ZFAND3: variants seen among roughly 807,000 people sequenced by gnomAD.
ZFAND3 encodes AN1-type zinc finger protein 3.
ZFAND3 carries 10 observed loss-of-function variants against 29.6 expected under a neutral mutation model. The ratio of observed to expected loss-of-function variants is 0.34; its 90% CI spans 0.21 to 0.57. ZFAND3 has a LOEUF of 0.57. Among genes scored for constraint, ZFAND3 ranks in the 20% least tolerant of loss-of-function variants. The pLI is 0.86. For synonymous variants in ZFAND3, 128 were observed against 112.6 expected, an observed-to-expected ratio of 1.14 and a Z score of -0.87; for missense variants, 230 against 304.5, an observed-to-expected ratio of 0.76 and a Z score of 1.82.
At chr6:37,928,541 G>A (rs259684) in intron 1 of ZFAND3, among the ~76,000 whole-genome samples, 45,479 of 151,960 alleles carry the variant, frequency 0.3, 7,503 homozygotes, top group Non-Finnish European at 0.38. Context: ...ATTTTTTGGA[G>A]ACAGAGTCTT....
chr6:37,992,490 T>C (rs1405616263), intron 2 of ZFAND3, among the ~76,000 whole-genome samples: 1 of 152,212 alleles, frequency 6.6e-6, no homozygotes, highest in Admixed American at 6.5e-5. Flanking sequence ...CTTGCATTTT[T>C]CCACGTATGC....
At chr6:37,843,561 T>G (rs1764119341) in intron 1 of ZFAND3, among the ~76,000 whole-genome samples, 1 of 152,220 alleles carries the variant, frequency 6.6e-6, no homozygotes, top group Non-Finnish European at 1.5e-5. Context: ...TCTGTTTCTC[T>G]GAAGCTGAAA....
chr6:37,943,792 C>G (rs1416186293), intron 2 of ZFAND3, among the ~76,000 whole-genome samples: 1 of 152,168 alleles, frequency 6.6e-6, no homozygotes, highest in Non-Finnish European at 1.5e-5. Context: ...CACTGGTACT[C>G]AGTCCAAATG....
intron 1 of ZFAND3, 50 bp downstream of exon 1, chr6:37,820,066 C>G: frequency 8.4e-7 from 1 of 1,191,772 alleles, no homozygotes; most frequent in Non-Finnish European, 1.0e-6. Context: ...GGGGCGCAGA[C>G]GCCAGGGCAG....
At chr6:38,078,299 T>A (rs1258467265) in intron 3 of ZFAND3, among the ~76,000 whole-genome samples, 1 of 152,208 alleles carries the variant, frequency 6.6e-6, no homozygotes, top group African/African-American at 2.4e-5. Context: ...TATTCACTCT[T>A]CTCTAGTCAC....
intron 2 of ZFAND3, among the ~76,000 whole-genome samples, chr6:37,991,440 C>T (rs1762757249): frequency 6.6e-6 from 1 of 151,940 alleles, no homozygotes; most frequent in Non-Finnish European, 1.5e-5. Flanking sequence ...GCAACTTTTG[C>T]CCCCCAGGTT....
At chr6:37,876,623 T>C (rs1217314172) in intron 1 of ZFAND3, among the ~76,000 whole-genome samples, 1 of 152,222 alleles carries the variant, frequency 6.6e-6, no homozygotes, top group Admixed American at 6.5e-5. Flanking sequence ...ATTTTATCTC[T>C]GGTCAGTCTT....
chr6:37,819,747 A>C lies in ZFAND3; in HGVS notation c.-199A>C. On this transcript the variant is annotated 5_prime_UTR_variant, in exon 1 of 6. Coordinates refer to ENST00000287218, the MANE Select transcript of ZFAND3 (RefSeq NM_021943.3). The stretch of plus-strand genomic sequence containing the variant: ...GCCCCCTCCCCGTCTCCGCAGGCCG[A>C]GTGGTGCGGCCCGCCTCCAGCTGAC... The C allele has an allele frequency of 4.7e-6, 1 of 212,916 alleles. No homozygotes were observed. Among genetic ancestry groups the C allele is most frequent in the Non-Finnish European group, 8.9e-6 (1 of 112,828 alleles). 13.2% of individuals were successfully genotyped at this position (212,916 alleles called of 1,614,324 possible).
chr6:37,993,918 T>G (rs1355744636), intron 2 of ZFAND3, among the ~76,000 whole-genome samples: 1 of 152,212 alleles, frequency 6.6e-6, no homozygotes, highest in Non-Finnish European at 1.5e-5. Flanking sequence ...ATATTTTCAT[T>G]TTTTGCAAAG....
chr6:37,844,011 G>C (rs1250120376), intron 1 of ZFAND3, among the ~76,000 whole-genome samples: 2 of 151,044 alleles, frequency 1.3e-5, no homozygotes, highest in African/African-American at 2.4e-5. Flanking sequence ...TCCACCCCTT[G>C]GGCTCAATTG....
chr6:37,822,708 C>T (rs1025576130), intron 1 of ZFAND3, among the ~76,000 whole-genome samples: 1 of 152,096 alleles, frequency 6.6e-6, no homozygotes, highest in African/African-American at 2.4e-5. Flanking sequence ...GAGAAAGTGA[C>T]ACTTTAGCCT....
chr6:37,946,560 C>G (rs963855302), intron 2 of ZFAND3, among the ~76,000 whole-genome samples: 1 of 152,256 alleles, frequency 6.6e-6, no homozygotes, highest in African/African-American at 2.4e-5. Flanking sequence ...AAATTGTGAC[C>G]TATTTTTTTC....
chr6:37,952,809 C>G (rs570855314), intron 2 of ZFAND3, among the ~76,000 whole-genome samples: 2 of 151,790 alleles, frequency 1.3e-5, no homozygotes, highest in Non-Finnish European at 2.9e-5. Context: ...TCCCAGCTTC[C>G]TTCTCCTCTA....
chr6:38,026,250 C>A (rs539950402), intron 2 of ZFAND3, among the ~76,000 whole-genome samples: 1 of 151,926 alleles, frequency 6.6e-6, no homozygotes, highest in Non-Finnish European at 1.5e-5. Flanking sequence ...CTTCATAAAT[C>A]CTGTTTCTCT....
chr6:37,915,710 A>T (rs926678187), intron 1 of ZFAND3: 11 of 152,190 alleles, frequency 7.2e-5, no homozygotes, highest in African/African-American at 2.2e-4. Context: ...TGCATAATTT[A>T]TGGTAGTGGG....
At chr6:38,111,561 G>A (rs879609940) in intron 4 of ZFAND3, among the ~76,000 whole-genome samples, 9 of 152,156 alleles carry the variant, frequency 5.9e-5, no homozygotes, top group Non-Finnish European at 7.4e-5. Flanking sequence ...GCTAGTCAGC[G>A]TGAAGACAAC....
At chr6:38,118,183 T>G (rs1765458439) in intron 5 of ZFAND3, among the ~76,000 whole-genome samples, 1 of 152,140 alleles carries the variant, frequency 6.6e-6, no homozygotes, top group African/African-American at 2.4e-5. Context: ...CCCAGGTAAG[T>G]TCAAAACCTT....
At chr6:38,025,366 T>C (rs1763427828) in intron 2 of ZFAND3, among the ~76,000 whole-genome samples, 1 of 152,220 alleles carries the variant, frequency 6.6e-6, no homozygotes, top group Non-Finnish European at 1.5e-5. Context: ...TCCCCCCTTT[T>C]TTAGGAGGCA....
chr6:38,144,198 TATATATATATATAATATATA>T (rs1766036006), intron 5 of ZFAND3, among the ~76,000 whole-genome samples: 3 of 40,246 alleles, frequency 7.5e-5, no homozygotes, highest in East Asian at 6.8e-4. Context: ...TATATATATA[TATATATATATATAATATATA>T]ATATATATAT....
Sources: allele counts gnomAD v4.1 joint callset (sites outside exome capture counted in the v4.1 genomes callset), GRCh38; gene constraint gnomAD v4.1.1; transcripts MANE v1.5; gene names NCBI Gene and HGNC (gene_info 2026-07-23, HGNC 2026-07-21).